Variants in PPM1L observed in about 807,000 individuals in gnomAD.
The protein encoded by PPM1L is protein phosphatase, Mg2+/Mn2+ dependent 1L.
In PPM1L, 13 loss-of-function variants were observed where a neutral mutation model predicts 31.4. The observed-to-expected ratio is 0.41, with a 90% CI of 0.27 to 0.66. The LOEUF (loss-of-function observed/expected upper bound fraction) is 0.66. Among genes scored for constraint, PPM1L ranks in the 30% least tolerant of loss-of-function variants. The pLI is 0.29. For synonymous variants in PPM1L, 184 were observed against 175.4 expected (o/e 1.05, Z -0.39); for missense variants, 326 against 453.7 (o/e 0.72, Z 2.56).
intron 1 of PPM1L, among the ~76,000 whole-genome samples, chr3:160,779,880 T>G (rs1212501608): frequency 6.6e-6 from 1 of 152,168 alleles, no homozygotes; most frequent in African/African-American, 2.4e-5. Context: ...ACTAGTTTTC[T>G]AGGCCTGAGT....
chr3:161,035,504 C>G (rs760177427), intron 2 of PPM1L, among the ~76,000 whole-genome samples: 1 of 152,176 alleles, frequency 6.6e-6, no homozygotes, highest in African/African-American at 2.4e-5. Flanking sequence ...AGTCCAGATA[C>G]GTACAACTAC....
At chr3:160,915,014 T>A (rs962306453) in intron 1 of PPM1L, among the ~76,000 whole-genome samples, 5 of 152,204 alleles carry the variant, frequency 3.3e-5, no homozygotes, top group African/African-American at 4.8e-5. Context: ...TCTTTATGGT[T>A]TTGATTTGCA....
At chr3:160,986,956 C>T (rs1716983020) in intron 2 of PPM1L, among the ~76,000 whole-genome samples, 1 of 152,226 alleles carries the variant, frequency 6.6e-6, no homozygotes, top group South Asian at 2.1e-4. Flanking sequence ...TTACAACACT[C>T]ATTAGCTGAT....
intron 1 of PPM1L, among the ~76,000 whole-genome samples, chr3:160,845,494 A>G (rs1229578548): frequency 6.6e-6 from 1 of 151,890 alleles, no homozygotes; most frequent in Non-Finnish European, 1.5e-5. Context: ...TTTAGATTCC[A>G]TTGAAGCTCA....
intron 2 of PPM1L, among the ~76,000 whole-genome samples, chr3:161,016,259 TA>T (rs1195712035): frequency 3.3e-5 from 5 of 152,210 alleles, no homozygotes; most frequent in Non-Finnish European, 7.3e-5. Flanking sequence ...TGCATTAGAC[TA>T]TGATCTCCAT....
intron 1 of PPM1L, among the ~76,000 whole-genome samples, chr3:160,840,047 A>G (rs947079931): frequency 6.6e-6 from 1 of 152,200 alleles, no homozygotes; most frequent in African/African-American, 2.4e-5. Context: ...TGCTGGTTTA[A>G]GTGAAGGTAA....
At chr3:160,821,754 G>A (rs191111356) in intron 1 of PPM1L, among the ~76,000 whole-genome samples, 1 of 151,654 alleles carries the variant, frequency 6.6e-6, no homozygotes, top group Admixed American at 6.6e-5. Context: ...CATTATATTT[G>A]TGGACTTCTT....
chr3:160,880,225 A>G (rs923740524), intron 1 of PPM1L, among the ~76,000 whole-genome samples: 1 of 152,048 alleles, frequency 6.6e-6, no homozygotes, highest in Non-Finnish European at 1.5e-5. Flanking sequence ...ACCTTACAGC[A>G]TTCACCCCTA....
intron 1 of PPM1L, among the ~76,000 whole-genome samples, chr3:160,790,729 C>T (rs927235040): frequency 3.3e-5 from 5 of 152,060 alleles, no homozygotes; most frequent in Non-Finnish European, 5.9e-5. Flanking sequence ...GTGACAGAGT[C>T]AGGCAGCAGA....
intron 2 of PPM1L, among the ~76,000 whole-genome samples, chr3:160,966,434 A>G (rs1169309992): frequency 2.6e-5 from 4 of 152,110 alleles, no homozygotes; most frequent in Admixed American, 1.3e-4. Flanking sequence ...TTGTGATTTT[A>G]TATCCTGCTT....
chr3:160,840,325 A>C (rs1341279043), intron 1 of PPM1L, among the ~76,000 whole-genome samples: 1 of 152,168 alleles, frequency 6.6e-6, no homozygotes, highest in Non-Finnish European at 1.5e-5. Context: ...GGGTTTCATA[A>C]GACCTACCAG....
chr3:160,964,976 T>C (rs1229828386), intron 2 of PPM1L, among the ~76,000 whole-genome samples: 1 of 151,958 alleles, frequency 6.6e-6, no homozygotes, highest in Non-Finnish European at 1.5e-5. Context: ...AGTAGGCTGG[T>C]TGCAGCGGCT....
At chr3:160,992,214 A>G (rs1559916333) in intron 2 of PPM1L, among the ~76,000 whole-genome samples, 1 of 152,216 alleles carries the variant, frequency 6.6e-6, no homozygotes, top group South Asian at 2.1e-4. Flanking sequence ...ATCCATGAAG[A>G]GGATTAAATA....
At chr3:160,823,617 A>G (rs1357432456) in intron 1 of PPM1L, among the ~76,000 whole-genome samples, 1 of 152,130 alleles carries the variant, frequency 6.6e-6, no homozygotes, top group Non-Finnish European at 1.5e-5. Context: ...AGAAATGGCC[A>G]GAAATAATTA....
chr3:160,882,007 C>T (rs773646947), intron 1 of PPM1L, among the ~76,000 whole-genome samples: 1 of 150,832 alleles, frequency 6.6e-6, no homozygotes, highest in Non-Finnish European at 1.5e-5. Flanking sequence ...GCTGAGATTG[C>T]ACCACTGCAC....
intron 1 of PPM1L, among the ~76,000 whole-genome samples, chr3:160,940,621 A>C (rs1715135304): frequency 1.3e-5 from 2 of 152,174 alleles, no homozygotes; most frequent in African/African-American, 4.8e-5. Context: ...TATTGAGCCT[A>C]GGGGTGCGCA....
intron 1 of PPM1L, among the ~76,000 whole-genome samples, chr3:160,796,053 T>C (rs1712237825): frequency 6.6e-6 from 1 of 152,222 alleles, no homozygotes; most frequent in African/African-American, 2.4e-5. Flanking sequence ...GATCTCAACT[T>C]CCTTCTCCTG....
chr3:160,868,726 ATGGTTTTACT>A (rs1317968518), intron 1 of PPM1L, among the ~76,000 whole-genome samples: 1 of 150,246 alleles, frequency 6.7e-6, no homozygotes, highest in Non-Finnish European at 1.5e-5. Context: ...TTTTTCAGTC[ATGGTTTTACT>A]TGTAGAAAGC....
intron 1 of PPM1L, among the ~76,000 whole-genome samples, chr3:160,760,109 C>A (rs1403048): frequency 0.54 from 82,685 of 152,054 alleles, 25,937 homozygotes; most frequent in African/African-American, 0.87. Flanking sequence ...AATTTATTAG[C>A]TATCCCCCAA....
Sources: allele counts gnomAD v4.1 joint callset (sites outside exome capture counted in the v4.1 genomes callset), GRCh38; gene constraint gnomAD v4.1.1; transcripts MANE v1.5; gene names NCBI Gene and HGNC (gene_info 2026-07-23, HGNC 2026-07-21).